Variants in UNC5D observed in about 807,000 individuals in gnomAD.
The protein encoded by UNC5D is unc-5 netrin receptor D, also known as netrin receptor UNC5D.
UNC5D carries 39 observed loss-of-function variants against 105.4 expected under a neutral mutation model. That is an observed-to-expected ratio of 0.37 (90% CI 0.29 to 0.48). The LOEUF (loss-of-function observed/expected upper bound fraction) is 0.48. UNC5D is among the 20% of genes least tolerant of loss of function. The pLI, the probability that UNC5D is intolerant of heterozygous loss-of-function variation, is 0.98. For synonymous variants in UNC5D, 452 were observed against 450.4 expected, an observed-to-expected ratio of 1.00 and a Z score of -0.04; for missense variants, 991 against 1,202.4, an observed-to-expected ratio of 0.82 and a Z score of 2.60.
At chr8:35,412,560 C>A (rs1229466061) in intron 1 of UNC5D, among the ~76,000 whole-genome samples, 1 of 151,748 alleles carries the variant, frequency 6.6e-6, no homozygotes, top group Non-Finnish European at 1.5e-5. Flanking sequence ...GAATTCTTAA[C>A]CTCTCCCTCC....
intron 1 of UNC5D, among the ~76,000 whole-genome samples, chr8:35,293,630 T>C (rs1348649648): frequency 6.6e-6 from 1 of 152,228 alleles, no homozygotes; most frequent in Non-Finnish European, 1.5e-5. Flanking sequence ...GTGATTTCCA[T>C]GATTGACTCT....
chr8:35,459,744 A>C (rs1365727888), intron 1 of UNC5D, among the ~76,000 whole-genome samples: 1 of 152,224 alleles, frequency 6.6e-6, no homozygotes, highest in East Asian at 1.9e-4. Context: ...TTGTATTGTC[A>C]AATGGGAAAG....
intron 1 of UNC5D, among the ~76,000 whole-genome samples, chr8:35,257,000 TCTCA>T: frequency 6.6e-6 from 1 of 150,504 alleles, no homozygotes; most frequent in African/African-American, 2.5e-5. Context: ...TTTGACTGAG[TCTCA>T]CTCTGTTGCC....
chr8:35,589,374 A>G (rs1563565125), intron 3 of UNC5D, among the ~76,000 whole-genome samples: 2 of 151,252 alleles, frequency 1.3e-5, no homozygotes, highest in African/African-American at 2.4e-5. Flanking sequence ...GAGCAATACC[A>G]CTATGCATCC....
At chr8:35,748,437 A>G (rs1425786151) in intron 11 of UNC5D, 90 bp from the exon 12 acceptor site, 1 of 1,366,672 alleles carries the variant, frequency 7.3e-7, no homozygotes. Context: ...ATAAGCCTGA[A>G]GAAAACCCCA....
chr8:35,540,091 G>A (rs965773553), intron 1 of UNC5D, among the ~76,000 whole-genome samples: 1 of 152,114 alleles, frequency 6.6e-6, no homozygotes, highest in Non-Finnish European at 1.5e-5. Flanking sequence ...AATGAAAAGC[G>A]ATAACACTTT....
intron 1 of UNC5D, among the ~76,000 whole-genome samples, chr8:35,317,792 C>T (rs1809417168): frequency 6.6e-6 from 1 of 151,896 alleles, no homozygotes; most frequent in Admixed American, 6.6e-5. Flanking sequence ...TATCATATTC[C>T]AGGCTAATAT....
intron 1 of UNC5D, among the ~76,000 whole-genome samples, chr8:35,360,929 C>T (rs537751260): frequency 1.1e-3 from 164 of 152,208 alleles, no homozygotes; most frequent in African/African-American, 3.7e-3. Context: ...CAAAATTACT[C>T]TTGCTTTAGA....
At chr8:35,371,013 C>T (rs1237649953) in intron 1 of UNC5D, among the ~76,000 whole-genome samples, 4 of 152,040 alleles carry the variant, frequency 2.6e-5, no homozygotes, top group Non-Finnish European at 5.9e-5. Context: ...TGCTTGAAGC[C>T]AGCAGTTCAA....
At chr8:35,680,255 A>G (rs774152630) in intron 4 of UNC5D, among the ~76,000 whole-genome samples, 1 of 152,138 alleles carries the variant, frequency 6.6e-6, no homozygotes, top group Non-Finnish European at 1.5e-5. Context: ...AAAACAAACA[A>G]ATCACTAAAA....
intron 4 of UNC5D, among the ~76,000 whole-genome samples, chr8:35,610,989 G>A (rs1243109501): frequency 1.7e-5 from 2 of 119,460 alleles, no homozygotes; most frequent in African/African-American, 3.4e-5. Flanking sequence ...TTCTTTGTAG[G>A]TTTGCTATGA....
chr8:35,340,920 A>C (rs1380553680), intron 1 of UNC5D, among the ~76,000 whole-genome samples: 1 of 152,190 alleles, frequency 6.6e-6, no homozygotes, highest in Non-Finnish European at 1.5e-5. Context: ...TCAGAAATCT[A>C]ATCTGAATTT....
At chr8:35,731,945 T>G (rs948976296) in intron 11 of UNC5D, among the ~76,000 whole-genome samples, 2 of 152,194 alleles carry the variant, frequency 1.3e-5, no homozygotes, top group African/African-American at 4.8e-5. Context: ...CTTGTCACAT[T>G]CCCTTTTAAT....
At chr8:35,583,712 C>T (rs1010495501) in intron 3 of UNC5D, among the ~76,000 whole-genome samples, 1 of 152,108 alleles carries the variant, frequency 6.6e-6, no homozygotes, top group Non-Finnish European at 1.5e-5. Context: ...GCCTTGAAAA[C>T]AAGGCAGCAG....
intron 4 of UNC5D, among the ~76,000 whole-genome samples, chr8:35,632,245 C>T (rs1822086904): frequency 6.6e-6 from 1 of 152,214 alleles, no homozygotes; most frequent in Non-Finnish European, 1.5e-5. Flanking sequence ...ATCTTTGCAA[C>T]TCATGCTTAC....
intron 11 of UNC5D, among the ~76,000 whole-genome samples, chr8:35,743,536 C>T (rs1040849820): frequency 6.6e-6 from 1 of 151,872 alleles, no homozygotes; most frequent in Non-Finnish European, 1.5e-5. Context: ...ACCTCAGCCT[C>T]CCAAAGTGCT....
At chr8:35,265,529 A>G (rs1216882722) in intron 1 of UNC5D, among the ~76,000 whole-genome samples, 4 of 152,124 alleles carry the variant, frequency 2.6e-5, no homozygotes, top group African/African-American at 9.7e-5. Flanking sequence ...CCTGCAGGCT[A>G]TAGTTTGCTG....
chr8:35,479,002 G>C (rs940113487), intron 1 of UNC5D, among the ~76,000 whole-genome samples: 51 of 152,272 alleles, frequency 3.3e-4, no homozygotes, highest in African/African-American at 1.2e-3. Flanking sequence ...GAAAGACTTA[G>C]AGAAATTTTG....
chr8:35,707,451 G>A (rs1827657036), intron 8 of UNC5D, among the ~76,000 whole-genome samples: 1 of 152,116 alleles, frequency 6.6e-6, no homozygotes. Context: ...GAGTTTGGGG[G>A]CACCTGGCTG....
Sources: allele counts gnomAD v4.1 joint callset (sites outside exome capture counted in the v4.1 genomes callset), GRCh38; gene constraint gnomAD v4.1.1; transcripts MANE v1.5; gene names NCBI Gene and HGNC (gene_info 2026-07-23, HGNC 2026-07-21).